OTUD7A: variants seen among roughly 807,000 people sequenced by gnomAD.
OTUD7A encodes the protein OTU deubiquitinase 7A, also known as OTU domain-containing protein 7A.
In OTUD7A, 12 loss-of-function variants were observed where a neutral mutation model predicts 65.7. That is an observed-to-expected ratio of 0.18 (90% CI 0.12 to 0.30). OTUD7A has a LOEUF of 0.30. Among genes scored for constraint, OTUD7A ranks in the 10% least tolerant of loss-of-function variants. The probability of loss-of-function intolerance (pLI) is 1.00; values close to 1 mark genes in which losing one functional copy is unlikely to be tolerated. For synonymous variants in OTUD7A, 641 were observed against 586.3 expected, an observed-to-expected ratio of 1.09 and a Z score of -1.35; for missense variants, 1,148 against 1,304.8, an observed-to-expected ratio of 0.88 and a Z score of 1.85.
chr15:31,574,379 A>G (rs1020861486), intron 3 of OTUD7A, among the ~76,000 whole-genome samples: 7 of 152,226 alleles, frequency 4.6e-5, no homozygotes, highest in African/African-American at 1.7e-4. Context: ...GCAACTATTT[A>G]AAGAAAAGGA....
intron 3 of OTUD7A, among the ~76,000 whole-genome samples, chr15:31,589,466 T>TTTG (rs1453493382): frequency 6.7e-6 from 1 of 148,294 alleles, no homozygotes; most frequent in Non-Finnish European, 1.5e-5. Flanking sequence ...TGGGCTTGTT[T>TTTG]TTTTTTTTTT....
intron 1 of OTUD7A, among the ~76,000 whole-genome samples, chr15:31,663,690 A>G (rs147468413): frequency 3.0e-4 from 46 of 152,102 alleles, no homozygotes; most frequent in South Asian, 4.2e-4. Context: ...TTATTTTTCC[A>G]TAAGTTATTG....
At chr15:31,680,044 G>C (rs945596851) in intron 1 of OTUD7A, among the ~76,000 whole-genome samples, 1 of 152,086 alleles carries the variant, frequency 6.6e-6, no homozygotes, top group Non-Finnish European at 1.5e-5. Flanking sequence ...TCATAATGAT[G>C]AAAATACAAA....
intron 1 of OTUD7A, among the ~76,000 whole-genome samples, chr15:31,709,327 C>T (rs1407981346): frequency 6.6e-6 from 1 of 152,224 alleles, no homozygotes; most frequent in Admixed American, 6.5e-5. Flanking sequence ...CCATGAGATG[C>T]AGACGTCCAC....
At chr15:31,817,203 C>G (rs1183000715) in intron 1 of OTUD7A, among the ~76,000 whole-genome samples, 1 of 151,604 alleles carries the variant, frequency 6.6e-6, no homozygotes, top group Non-Finnish European at 1.5e-5. Flanking sequence ...GCTGTCCATG[C>G]TTTTCATCCA....
chr15:31,620,463 C>T (rs997854980), intron 3 of OTUD7A, among the ~76,000 whole-genome samples: 3 of 151,868 alleles, frequency 2.0e-5, no homozygotes, highest in African/African-American at 7.3e-5. Flanking sequence ...TTGGTCTATT[C>T]AGAGATTCAA....
chr15:31,795,916 G>A (rs891199384), intron 1 of OTUD7A, among the ~76,000 whole-genome samples: 1 of 152,210 alleles, frequency 6.6e-6, no homozygotes, highest in African/African-American at 2.4e-5. Flanking sequence ...GAAGCATGGT[G>A]TTCAAGCTTC....
chr15:31,742,783 A>G (rs891391526), intron 1 of OTUD7A, among the ~76,000 whole-genome samples: 1 of 152,166 alleles, frequency 6.6e-6, no homozygotes, highest in African/African-American at 2.4e-5. Flanking sequence ...TTAAAAATAT[A>G]TATGACATGC....
Position 31,503,677 on chromosome 15 carries a change from T to C in OTUD7A, c.1021+14A>G. 6.2e-7 allele frequency: 1 copy of C among 1,614,170 alleles called. No homozygotes were observed. Among genetic ancestry groups the C allele is most frequent in the Non-Finnish European group, 8.5e-7 (1 of 1,180,032 alleles). Reference sequence around the variant, plus strand: ...CTGTGTCATGAATACAACACATCTCTTTGAGGAACTTACCTTCTCCACCTG... The same window carrying C: ...CTGTGTCATGAATACAACACATCTCCTTGAGGAACTTACCTTCTCCACCTG... On this transcript the variant is annotated intron_variant, in intron 9 of 12. Transcript: ENST00000307050.
chr15:31,727,554 G>A (rs1259245670), intron 1 of OTUD7A, among the ~76,000 whole-genome samples: 4 of 152,178 alleles, frequency 2.6e-5, no homozygotes, highest in Non-Finnish European at 5.9e-5. Flanking sequence ...ATGAGGAACT[G>A]TCATCTCACC....
chr15:31,661,579 GCTT>G (rs1415766649), intron 1 of OTUD7A, among the ~76,000 whole-genome samples: 2 of 152,176 alleles, frequency 1.3e-5, no homozygotes, highest in Admixed American at 6.5e-5. Flanking sequence ...AGCCAACCAT[GCTT>G]CTTCTCTATC....
At chr15:31,812,564 C>T (rs1896447306) in intron 1 of OTUD7A, among the ~76,000 whole-genome samples, 1 of 152,082 alleles carries the variant, frequency 6.6e-6, no homozygotes. Context: ...CTTTTTGGTG[C>T]TTGAACGAAT....
intron 1 of OTUD7A, among the ~76,000 whole-genome samples, chr15:31,701,713 C>T (rs1233067682): frequency 1.3e-4 from 19 of 151,842 alleles, no homozygotes; most frequent in Non-Finnish European, 2.5e-4. Flanking sequence ...CTGGAGAATT[C>T]TACCAAACAT....
intron 1 of OTUD7A, among the ~76,000 whole-genome samples, chr15:31,693,576 G>C (rs906554188): frequency 1.3e-5 from 2 of 152,030 alleles, no homozygotes; most frequent in African/African-American, 4.8e-5. Flanking sequence ...ATGCCAGGCA[G>C]ACACACCCTT....
intron 8 of OTUD7A, among the ~76,000 whole-genome samples, chr15:31,509,089 C>T (rs1335600479): frequency 6.6e-6 from 1 of 152,032 alleles, no homozygotes; most frequent in African/African-American, 2.4e-5. Context: ...CTTTTAATGT[C>T]TGACTATAAG....
intron 3 of OTUD7A, among the ~76,000 whole-genome samples, chr15:31,626,991 GTTGTAATC>G (rs1472079841): frequency 6.6e-6 from 1 of 151,350 alleles, no homozygotes; most frequent in Non-Finnish European, 1.5e-5. Context: ...CCCTCAGCAA[GTTGTAATC>G]TTGCTAATGG....
intron 1 of OTUD7A, among the ~76,000 whole-genome samples, chr15:31,826,486 A>T (rs1292371809): frequency 6.6e-6 from 1 of 152,102 alleles, no homozygotes; most frequent in Non-Finnish European, 1.5e-5. Flanking sequence ...AGCCCACGAA[A>T]CCACTTTTTT....
intron 1 of OTUD7A, among the ~76,000 whole-genome samples, chr15:31,738,603 C>T (rs1235806795): frequency 6.6e-6 from 1 of 152,156 alleles, no homozygotes; most frequent in Non-Finnish European, 1.5e-5. Flanking sequence ...GAGGAAAGGA[C>T]CAGCACCTAT....
intron 1 of OTUD7A, among the ~76,000 whole-genome samples, chr15:31,797,850 A>T (rs1896012759): frequency 6.6e-6 from 1 of 152,216 alleles, no homozygotes; most frequent in African/African-American, 2.4e-5. Context: ...TTAGTGTCCC[A>T]GTGCTGCCAC....
Sources: allele counts gnomAD v4.1 joint callset (sites outside exome capture counted in the v4.1 genomes callset), GRCh38; gene constraint gnomAD v4.1.1; transcripts MANE v1.5; gene names NCBI Gene and HGNC (gene_info 2026-07-23, HGNC 2026-07-21).